Variants in BBS9 observed in about 807,000 individuals in gnomAD.
The protein encoded by BBS9 is protein PTHB1.
In BBS9, 89 loss-of-function variants were observed where a neutral mutation model predicts 117.7. That is an observed-to-expected ratio of 0.76 (90% CI 0.64 to 0.90). BBS9 has a LOEUF of 0.90. Ranked by LOEUF, BBS9 falls within the 40% of genes least tolerant of loss-of-function variation. The probability of loss-of-function intolerance (pLI) is 0.00; values close to 1 mark genes in which losing one functional copy is unlikely to be tolerated. For synonymous variants in BBS9, 379 were observed against 370.9 expected (o/e 1.02, Z -0.25); for missense variants, 982 against 1,042.2 (o/e 0.94, Z 0.80).
At chr7:33,445,670 A>G (rs1447357957) in intron 19 of BBS9, among the ~76,000 whole-genome samples, 1 of 152,128 alleles carries the variant, frequency 6.6e-6, no homozygotes, top group African/African-American at 2.4e-5. Context: ...CTCCGCCCAA[A>G]TCTCATCTTG....
At chr7:33,354,836 TA>T (rs1332740432) in intron 15 of BBS9, among the ~76,000 whole-genome samples, 1 of 152,048 alleles carries the variant, frequency 6.6e-6, no homozygotes, top group Non-Finnish European at 1.5e-5. Context: ...ATTTTGTGAT[TA>T]ATTGCACCAT....
chr7:33,393,699 G>C (rs377359597), intron 19 of BBS9, among the ~76,000 whole-genome samples: 142 of 152,246 alleles, frequency 9.3e-4, no homozygotes, highest in African/African-American at 3.4e-3. Context: ...GATAGCTCAA[G>C]TGCATCTTTT....
At chr7:33,515,114 A>C (rs940280553) in intron 20 of BBS9, among the ~76,000 whole-genome samples, 1 of 152,182 alleles carries the variant, frequency 6.6e-6, no homozygotes, top group African/African-American at 2.4e-5. Flanking sequence ...TTGTGGACGA[A>C]TCAGGAAAAA....
At chr7:33,236,612 A>G (rs1056388573) in intron 5 of BBS9, among the ~76,000 whole-genome samples, 25 of 151,978 alleles carry the variant, frequency 1.6e-4, no homozygotes, top group African/African-American at 6.0e-4. Flanking sequence ...ACACATTATA[A>G]TATGTGCTAG....
In BBS9 at chr7:33,273,110, C is replaced by CT. The variant is rs1288376188; in HGVS notation, c.808dup (p.Cys270LeufsTer3). On this transcript the variant is annotated frameshift_variant, in exon 8 of 23. Transcript: ENST00000242067. LOFTEE classifies it high-confidence loss of function. ...CTGTTTTTGTTCTTGGTGAGAGAAACTTTTTTTGCCTTAAGGATAATGGAC... is the reference window on the plus strand; with the variant it reads ...CTGTTTTTGTTCTTGGTGAGAGAAACTTTTTTTTGCCTTAAGGATAATGGAC... 6.2e-7 allele frequency: 1 copy of CT among 1,613,510 alleles called. No individual in the cohort carries two copies. The highest frequency in any genetic ancestry group is 8.5e-7 in the Non-Finnish European group (1 of 1,179,704).
At chr7:33,173,228 T>G (rs114063029) in intron 4 of BBS9, among the ~76,000 whole-genome samples, 1,840 of 152,242 alleles carry the variant, frequency 0.012, 34 homozygotes, top group African/African-American at 0.043. Context: ...TATAAACACT[T>G]TATCTTTAGT....
At chr7:33,544,581 T>C (rs1330834227) in intron 21 of BBS9, among the ~76,000 whole-genome samples, 3 of 152,178 alleles carry the variant, frequency 2.0e-5, no homozygotes, top group Admixed American at 6.5e-5. Context: ...TACCAGTGCA[T>C]GTTCTGGTGG....
At chr7:33,169,871 T>C (rs10262502) in intron 4 of BBS9, among the ~76,000 whole-genome samples, 79,677 of 148,918 alleles carry the variant, frequency 0.54, 21,695 homozygotes, top group East Asian at 0.66. Flanking sequence ...GTGTTTTAGA[T>C]ATGAAGTCCT....
chr7:33,552,913 C>CT (rs1854665148), intron 21 of BBS9, among the ~76,000 whole-genome samples: 1 of 152,198 alleles, frequency 6.6e-6, no homozygotes. Context: ...TCTCCATCCA[C>CT]TTCTCCACCA....
At chr7:33,401,687 C>T (rs565123786) in intron 19 of BBS9, among the ~76,000 whole-genome samples, 2 of 152,226 alleles carry the variant, frequency 1.3e-5, no homozygotes, top group Non-Finnish European at 1.5e-5. Context: ...ACAAGAGATC[C>T]TGGAGACCAA....
chr7:33,411,061 C>T (rs945593830), intron 19 of BBS9, among the ~76,000 whole-genome samples: 1 of 146,590 alleles, frequency 6.8e-6, no homozygotes, highest in African/African-American at 2.5e-5. Flanking sequence ...TAGTGCAGAC[C>T]CTGTATATGC....
intron 15 of BBS9, among the ~76,000 whole-genome samples, chr7:33,354,377 A>G (rs982592732): frequency 3.3e-5 from 5 of 152,150 alleles, no homozygotes; most frequent in Admixed American, 6.5e-5. Flanking sequence ...GAGGCAAACG[A>G]GGTTTTATGT....
chr7:33,262,684 A>C (rs947201258), intron 6 of BBS9, among the ~76,000 whole-genome samples: 2 of 152,100 alleles, frequency 1.3e-5, no homozygotes, highest in African/African-American at 2.4e-5. Context: ...CCCATGACTC[A>C]TTCCTCCCTG....
intron 21 of BBS9, among the ~76,000 whole-genome samples, chr7:33,541,391 A>G (rs1468525686): frequency 6.6e-6 from 1 of 152,134 alleles, no homozygotes; most frequent in Non-Finnish European, 1.5e-5. Flanking sequence ...TCCAACCCAA[A>G]TGCCCATCAA....
At chr7:33,478,846 G>A (rs1842138851) in intron 19 of BBS9, among the ~76,000 whole-genome samples, 1 of 148,248 alleles carries the variant, frequency 6.7e-6, no homozygotes, top group Non-Finnish European at 1.5e-5. Flanking sequence ...CTCCCAAATA[G>A]GCAGGAGAAG....
At chr7:33,372,661 G>A (rs887266064) in intron 17 of BBS9, among the ~76,000 whole-genome samples, 1 of 152,086 alleles carries the variant, frequency 6.6e-6, no homozygotes, top group Admixed American at 6.6e-5. Context: ...GATAATGTTG[G>A]CCTCATAGAT....
intron 19 of BBS9, among the ~76,000 whole-genome samples, chr7:33,494,044 C>A (rs185494437): frequency 6.6e-6 from 1 of 152,126 alleles, no homozygotes; most frequent in African/African-American, 2.4e-5. Flanking sequence ...TTGTGGTAGC[C>A]CCTCTGGCTT....
intron 19 of BBS9, among the ~76,000 whole-genome samples, chr7:33,419,493 T>C (rs1284792476): frequency 2.6e-5 from 4 of 152,198 alleles, no homozygotes; most frequent in African/African-American, 9.6e-5. Context: ...ATTACATTCA[T>C]TGTCACCTTA....
chr7:33,185,318 G>A (rs893347426), intron 5 of BBS9, among the ~76,000 whole-genome samples: 14 of 152,204 alleles, frequency 9.2e-5, no homozygotes, highest in African/African-American at 2.9e-4. Context: ...CCTATTCACG[G>A]TGGAGTCGCT....
Sources: allele counts gnomAD v4.1 joint callset (sites outside exome capture counted in the v4.1 genomes callset), GRCh38; gene constraint gnomAD v4.1.1; transcripts MANE v1.5; gene names NCBI Gene and HGNC (gene_info 2026-07-23, HGNC 2026-07-21).